Variants in XKR9 observed in about 807,000 individuals in gnomAD.
The protein encoded by XKR9 is XK-related protein 9.
Under a neutral mutation model 32.0 loss-of-function variants are expected in XKR9, and 32 were observed. The ratio of observed to expected loss-of-function variants is 1.00; its 90% CI spans 0.76 to 1.34. The LOEUF (loss-of-function observed/expected upper bound fraction) is 1.34. Among genes scored for constraint, XKR9 ranks in the 40% most tolerant of loss-of-function variants. The pLI, the probability that XKR9 is intolerant of heterozygous loss-of-function variation, is 0.00. For missense variants in XKR9, 546 were observed against 429.7 expected (o/e 1.27, Z -2.39); for synonymous variants, 168 against 143.4 (o/e 1.17, Z -1.22).
the XKR9 span, among the ~76,000 whole-genome samples, chr8:70,941,666 T>C: frequency 6.6e-6 from 1 of 152,124 alleles, no homozygotes; most frequent in African/African-American, 2.4e-5. Flanking sequence ...TCTTAGGTAT[T>C]AAAACTAGAT....
the XKR9 span, among the ~76,000 whole-genome samples, chr8:70,879,106 A>G: frequency 3.3e-5 from 5 of 152,242 alleles, no homozygotes; most frequent in Non-Finnish European, 7.3e-5. Flanking sequence ...TTTGAAACCA[A>G]TGAGAACAAA....
chr8:70,968,311 C>A, the XKR9 span, among the ~76,000 whole-genome samples: 8 of 152,138 alleles, frequency 5.3e-5, no homozygotes, highest in Non-Finnish European at 8.8e-5. Context: ...CCTCTCTGAA[C>A]TGGATATTCT....
At chr8:71,050,072 C>A in the XKR9 span, among the ~76,000 whole-genome samples, 1 of 151,808 alleles carries the variant, frequency 6.6e-6, no homozygotes, top group African/African-American at 2.4e-5. Context: ...GGATTTGAAT[C>A]ATGGCATCAT....
chr8:71,064,681 G>A, the XKR9 span, among the ~76,000 whole-genome samples: 2 of 152,078 alleles, frequency 1.3e-5, no homozygotes, highest in Non-Finnish European at 2.9e-5. Context: ...TGATGGCTTA[G>A]TGTGAGAACA....
At chr8:70,792,335 G>T (rs984798905), downstream of XKR9, among the ~76,000 whole-genome samples, 4 of 152,050 alleles carry the variant, frequency 2.6e-5, no homozygotes, top group Non-Finnish European at 1.5e-5. Flanking sequence ...TTAGAGCAGG[G>T]ATAAGTACCA....
At chr8:70,718,778 A>G (rs1806176199) in intron 4 of XKR9, among the ~76,000 whole-genome samples, 1 of 152,176 alleles carries the variant, frequency 6.6e-6, no homozygotes, top group Non-Finnish European at 1.5e-5. Flanking sequence ...GCTGCAATAA[A>G]CATACATGTG....
At chr8:70,717,012 A>G (rs772564196) in intron 4 of XKR9, among the ~76,000 whole-genome samples, 3 of 152,234 alleles carry the variant, frequency 2.0e-5, no homozygotes, top group Non-Finnish European at 4.4e-5. Context: ...GGAGCAGTCA[A>G]ATCTTCAAGC....
chr8:70,784,994 T>A (rs374603189), intron 2 of XKR9, among the ~76,000 whole-genome samples: 1 of 152,086 alleles, frequency 6.6e-6, no homozygotes, highest in Non-Finnish European at 1.5e-5. Flanking sequence ...GTTAATGTGA[T>A]GTATCACATT....
At chr8:70,727,965 G>T (rs1438466913) in intron 4 of XKR9, among the ~76,000 whole-genome samples, 1 of 152,138 alleles carries the variant, frequency 6.6e-6, no homozygotes, top group Non-Finnish European at 1.5e-5. Context: ...GTAGCTTTCA[G>T]CTGCATGACT....
At chr8:70,814,209 C>T in the XKR9 span, among the ~76,000 whole-genome samples, 5 of 151,960 alleles carry the variant, frequency 3.3e-5, no homozygotes, top group South Asian at 2.1e-4. Context: ...AACCAAACAC[C>T]GCATGTTGTC....
At position 70,669,387 on chromosome 8, in the gene XKR9, T is replaced by C. The variant is rs897304308; in HGVS notation, c.-512T>C. On this transcript the variant is annotated 5_prime_UTR_variant, in exon 1 of 5. Coordinates refer to ENST00000408926, the MANE Select transcript of XKR9 (RefSeq NM_001011720.2). ...GCTGCGCGGGCAGTGGTGGGAAGGC[T>C]GGCGCGAGGCGTGAGGTGGCGTGAG... The C allele has an allele frequency of 1.1e-5, 5 of 443,132 alleles. No homozygotes were observed. The highest frequency in any genetic ancestry group is 1.1e-4 in the South Asian group (4 of 37,550). 27.5% of individuals were successfully genotyped at this position (443,132 alleles called of 1,614,324 possible).
chr8:71,019,479 G>A, the XKR9 span, among the ~76,000 whole-genome samples: 1 of 152,180 alleles, frequency 6.6e-6, no homozygotes, highest in Non-Finnish European at 1.5e-5. Flanking sequence ...GGCTGACGGA[G>A]GCTCACACCA....
At chr8:70,968,928 C>T in the XKR9 span, among the ~76,000 whole-genome samples, 138 of 152,248 alleles carry the variant, frequency 9.1e-4, 2 homozygotes, top group Admixed American at 8.7e-3. Context: ...GGAATGGGAT[C>T]GGGGACCCAC....
the XKR9 span, among the ~76,000 whole-genome samples, chr8:70,917,472 A>T: frequency 6.6e-6 from 1 of 152,048 alleles, no homozygotes; most frequent in African/African-American, 2.4e-5. Context: ...GGTTCAATTT[A>T]TACTTTTTTT....
At chr8:70,897,899 C>T in the XKR9 span, among the ~76,000 whole-genome samples, 1 of 152,042 alleles carries the variant, frequency 6.6e-6, no homozygotes, top group East Asian at 1.9e-4. Context: ...GCTTTGGTTG[C>T]CTGTGCAACC....
At chr8:70,999,452 T>TA in the XKR9 span, among the ~76,000 whole-genome samples, 1 of 152,056 alleles carries the variant, frequency 6.6e-6, no homozygotes, top group Admixed American at 6.5e-5. Flanking sequence ...ACAGCAAGGA[T>TA]AAAAAAAGTA....
intron 2 of XKR9, among the ~76,000 whole-genome samples, chr8:70,771,029 G>T (rs961685281): frequency 2.0e-5 from 3 of 152,192 alleles, no homozygotes; most frequent in Non-Finnish European, 1.5e-5. Context: ...TTGAAACCCA[G>T]GGCCCTGGTG....
downstream of XKR9, among the ~76,000 whole-genome samples, chr8:70,737,611 TA>T (rs1474518390): frequency 2.9e-5 from 3 of 103,884 alleles, no homozygotes; most frequent in Non-Finnish European, 4.7e-5. Context: ...GGGTTTGTCA[TA>T]GATAGCTCTT....
At chr8:70,975,652 G>A in the XKR9 span, among the ~76,000 whole-genome samples, 3 of 152,182 alleles carry the variant, frequency 2.0e-5, no homozygotes, top group Non-Finnish European at 2.9e-5. Flanking sequence ...TAGCCTTGTA[G>A]TATAGTTTGA....
Sources: allele counts gnomAD v4.1 joint callset (sites outside exome capture counted in the v4.1 genomes callset), GRCh38; gene constraint gnomAD v4.1.1; transcripts MANE v1.5; gene names NCBI Gene and HGNC (gene_info 2026-07-23, HGNC 2026-07-21).